The following SPEF2 variants were observed in gnomAD, a reference collection of about 807,000 sequenced individuals.
SPEF2 encodes sperm flagellar and cilia associated 2.
In SPEF2, 187 loss-of-function variants were observed where a neutral mutation model predicts 224.6. The ratio of observed to expected loss-of-function variants is 0.83; its 90% CI spans 0.74 to 0.94. The LOEUF is 0.94. Among genes scored for constraint, SPEF2 ranks in the 40% least tolerant of loss-of-function variants. The probability of loss-of-function intolerance (pLI) is 0.00; values close to 1 mark genes in which losing one functional copy is unlikely to be tolerated. For missense variants in SPEF2, 2,170 were observed against 2,135.6 expected, an observed-to-expected ratio of 1.02 and a Z score of -0.32; for synonymous variants, 715 against 707.3, an observed-to-expected ratio of 1.01 and a Z score of -0.17.
intron 30 of SPEF2, among the ~76,000 whole-genome samples, chr5:35,791,953 T>C (rs1398039640): frequency 2.0e-5 from 3 of 152,128 alleles, no homozygotes; most frequent in Non-Finnish European, 2.9e-5. Context: ...TTATCTAATA[T>C]TTGCCAAAAT....
chr5:35,685,432 A>G (rs1416553394), intron 10 of SPEF2, among the ~76,000 whole-genome samples: 1 of 152,128 alleles, frequency 6.6e-6, no homozygotes, highest in Non-Finnish European at 1.5e-5. Flanking sequence ...GTATGAAAAG[A>G]ATACTGATGA....
chr5:35,812,248 G>C (rs941892488), intron 36 of SPEF2, among the ~76,000 whole-genome samples: 1 of 152,126 alleles, frequency 6.6e-6, no homozygotes, highest in Non-Finnish European at 1.5e-5. Flanking sequence ...GAACACATAT[G>C]TCTTGTCTTT....
At chr5:35,797,044 A>T (rs1756765919) in intron 33 of SPEF2, among the ~76,000 whole-genome samples, 1 of 152,218 alleles carries the variant, frequency 6.6e-6, no homozygotes. Flanking sequence ...CAGGTTCTTC[A>T]TTAGTTGGAA....
chr5:35,806,683 T>A, intron 34 of SPEF2, 24 bp from the exon 35 acceptor site: 1 of 1,592,850 alleles, frequency 6.3e-7, no homozygotes, highest in South Asian at 1.2e-5. Flanking sequence ...TTTAACTTCA[T>A]GTTCTCTTCA....
chr5:35,751,096 C>CAT (rs376188111), intron 23 of SPEF2, among the ~76,000 whole-genome samples: 877 of 30,284 alleles, frequency 0.029, 157 homozygotes, highest in East Asian at 0.058. Flanking sequence ...CACACACACA[C>CAT]ATATATATAT....
chr5:35,721,886 G>A lies in SPEF2; in HGVS notation c.2915-5789G>A, dbSNP rs79795537. Among the ~76,000 whole-genome samples, 1,332 of 152,238 alleles carry A rather than the reference G, an allele frequency of 8.7e-3. 21 individuals are homozygous for A. Among genetic ancestry groups the A allele is most frequent in the African/African-American group, 0.031 (1,278 of 41,532 alleles). The stretch of plus-strand genomic sequence containing the variant: ...CCTTGCCAAGTGGTTATGCCCCTAG[G>A]ATGTAAAGCAAGATGGAGGCTTGCA... On this transcript the variant is annotated intron_variant, in intron 20 of 36. Coordinates refer to ENST00000356031, the MANE Select transcript of SPEF2 (RefSeq NM_024867.4).
chr5:35,760,598 A>C (rs1751138243), intron 25 of SPEF2, among the ~76,000 whole-genome samples: 2 of 152,156 alleles, frequency 1.3e-5, no homozygotes, highest in African/African-American at 4.8e-5. Context: ...CAAAAAAATA[A>C]ACTTGGTGGT....
chr5:35,699,449 G>A (rs1174684672), intron 15 of SPEF2: 1 of 152,114 alleles, frequency 6.6e-6, no homozygotes, highest in Non-Finnish European at 1.5e-5. Flanking sequence ...AAACCCAATT[G>A]CACTTCAGCG....
chr5:35,809,348 A>T (rs569172627), intron 36 of SPEF2, among the ~76,000 whole-genome samples: 100 of 152,328 alleles, frequency 6.6e-4, no homozygotes, highest in South Asian at 5.4e-3. Flanking sequence ...AAGTGATATA[A>T]GTTAAACCAA....
chr5:35,703,840 C>T (rs538422581), intron 16 of SPEF2, among the ~76,000 whole-genome samples: 1 of 152,186 alleles, frequency 6.6e-6, no homozygotes. Flanking sequence ...CAACTGATTA[C>T]TATATCCTGT....
chr5:35,646,588 T>C (rs1747398590), intron 4 of SPEF2, 79 bp from the exon 5 acceptor site: 10 of 1,364,518 alleles, frequency 7.3e-6, no homozygotes, highest in Non-Finnish European at 9.9e-6. Context: ...ATAAATTTTA[T>C]ATATTTGTAC....
Position 35,809,452 on chromosome 5 carries a change from C to T in SPEF2, c.5379+2199C>T, listed in dbSNP as rs112872215. Among the ~76,000 whole-genome samples, 762 of 152,070 alleles carry T rather than the reference C, an allele frequency of 5.0e-3. 3 individuals are homozygous for T. The highest frequency in any genetic ancestry group is 0.016 in the African/African-American group (653 of 41,472). Reference sequence around the variant, plus strand: ...AAGAAGGAATAAGCTAGGTCTTGAACGATAGCCAGGGTTTGGGAAAGTGGA... The same window carrying T: ...AAGAAGGAATAAGCTAGGTCTTGAATGATAGCCAGGGTTTGGGAAAGTGGA... On this transcript the variant is annotated intron_variant, in intron 36 of 36. Coordinates refer to ENST00000356031, the MANE Select transcript of SPEF2 (RefSeq NM_024867.4).
At chr5:35,708,639 T>TCC (rs1561236238) in intron 18 of SPEF2, among the ~76,000 whole-genome samples, 1 of 938 alleles carries the variant, frequency 1.1e-3, no homozygotes, top group South Asian at 0.028. Flanking sequence ...CCATCACCTC[T>TCC]ACCAGCACCT....
At chr5:35,751,080 C>CGTATATATATACGTATATAGAT (rs1749529999) in intron 23 of SPEF2, among the ~76,000 whole-genome samples, 1 of 43,736 alleles carries the variant, frequency 2.3e-5, no homozygotes, top group Non-Finnish European at 4.5e-5. Flanking sequence ...TATATATATA[C>CGTATATATATACGTATATAGAT]ACACACACAC....
At position 35,653,969 on chromosome 5, in the gene SPEF2, A is replaced by G. The variant is rs540994152; in HGVS notation, c.792-571A>G. 3.7e-3 allele frequency among the ~76,000 whole-genome samples: 546 copies of G among 148,718 alleles called. 15 individuals carry two copies. The highest frequency in any genetic ancestry group is 0.035 in the Admixed American group (517 of 14,818). ...CTCAAAAAAAAAAAAAAAAAAAAGT[A>G]AAATAACAGGCTGGGCACAGTGGCT... is the stretch of plus-strand genomic sequence containing the variant. On this transcript the variant is annotated intron_variant, in intron 6 of 36. Transcript: ENST00000356031.
intron 1 of SPEF2, among the ~76,000 whole-genome samples, chr5:35,622,995 G>A (rs945480782): frequency 4.6e-5 from 7 of 152,158 alleles, no homozygotes; most frequent in African/African-American, 1.7e-4. Context: ...GAAAGAAAAC[G>A]TCAGTGTCCC....
chr5:35,733,795 A>G (rs1049404800), intron 21 of SPEF2, among the ~76,000 whole-genome samples: 1 of 152,182 alleles, frequency 6.6e-6, no homozygotes, highest in African/African-American at 2.4e-5. Context: ...GTTTAAAAAA[A>G]AAAAAAGTGG....
At position 35,670,058 on chromosome 5, in the gene SPEF2, G is replaced by T; in HGVS notation, c.1356-1G>T. 2 of 1,591,436 alleles carry T rather than the reference G, an allele frequency of 1.3e-6. No individual in the cohort carries two copies. Among genetic ancestry groups the T allele is most frequent in the Admixed American group, 1.8e-5 (1 of 55,226 alleles). On this transcript the variant is annotated splice_acceptor_variant, in intron 9 of 36. Coordinates refer to ENST00000356031, the MANE Select transcript of SPEF2 (RefSeq NM_024867.4). LOFTEE classifies it high-confidence loss of function. ...ATCTCTACCTTTTTTTTGTGCGATA[G>T]TCTGATTCCGTATAAGTTGATGCAT...
chr5:35,653,617 G>C (rs1048464074), intron 6 of SPEF2, among the ~76,000 whole-genome samples: 1 of 152,058 alleles, frequency 6.6e-6, no homozygotes, highest in East Asian at 1.9e-4. Flanking sequence ...GGAAGAAGAG[G>C]AAAAGAAATC....
Sources: allele counts gnomAD v4.1 joint callset (sites outside exome capture counted in the v4.1 genomes callset), GRCh38; gene constraint gnomAD v4.1.1; transcripts MANE v1.5; gene names NCBI Gene and HGNC (gene_info 2026-07-23, HGNC 2026-07-21).